The following KIAA0586 variants were observed in gnomAD, a reference collection of about 807,000 sequenced individuals.
The protein encoded by KIAA0586 is KIAA0586, also known as protein TALPID3.
In KIAA0586, 144 loss-of-function variants were observed where a neutral mutation model predicts 169.8. The ratio of observed to expected loss-of-function variants is 0.85; its 90% CI spans 0.74 to 0.97. The LOEUF is 0.97. Ranked by LOEUF, KIAA0586 falls within the 50% of genes least tolerant of loss-of-function variation. The pLI is 0.00. For missense variants in KIAA0586, 1,854 were observed against 1,823.0 expected (o/e 1.02, Z -0.31); for synonymous variants, 625 against 612.4 (o/e 1.02, Z -0.30).
rs186285463 is a variant in KIAA0586, at chr14:58,489,117, A to G, written c.3781+243A>G. Among the ~76,000 whole-genome samples, 9 of 152,026 alleles carry G rather than the reference A, an allele frequency of 5.9e-5. No individual in the cohort carries two copies. In the East Asian group the frequency reaches 1.6e-3, roughly 26 times the overall value. ...TTAATGGTTTGGGGTAGGCCTTTCC[A>G]GTCTTTTTTGTCTATGCATATATAG... On this transcript the variant is annotated intron_variant, in intron 24 of 30. Transcript: ENST00000652326.
intron 10 of KIAA0586, 85 bp downstream of exon 10, chr14:58,456,895 G>A (rs2039907379): frequency 4.0e-6 from 3 of 752,260 alleles, no homozygotes; most frequent in African/African-American, 3.6e-5. Context: ...TAGAAATTAG[G>A]AGGAAGGATG....
At chr14:58,556,078 C>T (rs554145797), downstream of KIAA0586, among the ~76,000 whole-genome samples, 6 of 152,304 alleles carry the variant, frequency 3.9e-5, no homozygotes, top group Non-Finnish European at 8.8e-5. Context: ...TTACCATTTT[C>T]AATCAGAGTA....
At chr14:58,487,379 C>T (rs1407987109) in intron 22 of KIAA0586, among the ~76,000 whole-genome samples, 2 of 152,102 alleles carry the variant, frequency 1.3e-5, no homozygotes, top group South Asian at 2.1e-4. Context: ...GAGGCTGAGG[C>T]GGGTGAATCA....
Position 58,548,898 on chromosome 14 carries a change from T to C in KIAA0586, c.*966T>C, listed in dbSNP as rs2047133044. ...GATAGGGGCCAACGAAACGCCTTCT[T>C]ATCAGCTGTTTCAGATTAATGGGTT... is the stretch of plus-strand genomic sequence containing the variant. On this transcript the variant is annotated 3_prime_UTR_variant, in exon 31 of 31. Transcript: ENST00000652326. 6.6e-6 allele frequency: 1 copy of C among 152,202 alleles called. No homozygotes were observed. Among genetic ancestry groups the C allele is most frequent in the South Asian group, 2.1e-4 (1 of 4,830 alleles). The allele number at this position is 152,202 out of a possible 1,614,324, so 9.4% of individuals were successfully genotyped here.
chr14:58,539,184 G>T (rs1327369544), intron 29 of KIAA0586, among the ~76,000 whole-genome samples: 2 of 152,134 alleles, frequency 1.3e-5, no homozygotes, highest in African/African-American at 2.4e-5. Context: ...CCATATCATT[G>T]CATAAGACAG....
chr14:58,498,897 A>G lies in KIAA0586; in HGVS notation c.4105A>G (p.Thr1369Ala). The stretch of plus-strand genomic sequence containing the variant: ...CTATATGCAGCCACCTGTCACTAAT[A>G]CACAGTCTTTGGATCAACAATGTGA... ...SLYMQPPVTN[T>A]QSLDQQCDPK... Residue 1369 changes from threonine (T) to alanine (A), a missense_variant, in exon 27 of 31, where the codon ACA (threonine) becomes GCA (alanine). By Grantham distance (58) the Thr-to-Ala change is moderately conservative. Coordinates refer to ENST00000652326, the MANE Select transcript of KIAA0586 (RefSeq NM_001329943.3). The G allele has an allele frequency of 6.2e-7, 1 of 1,612,634 alleles. No homozygotes were observed. The highest frequency in any genetic ancestry group is 8.5e-7 in the Non-Finnish European group (1 of 1,179,324).
intron 29 of KIAA0586, among the ~76,000 whole-genome samples, chr14:58,519,591 C>T (rs776556683): frequency 6.6e-6 from 1 of 152,150 alleles, no homozygotes; most frequent in Non-Finnish European, 1.5e-5. Context: ...AAATATTTAT[C>T]GTGTGACTTA....
intron 27 of KIAA0586, among the ~76,000 whole-genome samples, chr14:58,500,295 T>A (rs2043460965): frequency 1.3e-5 from 2 of 152,220 alleles, no homozygotes; most frequent in African/African-American, 4.8e-5. Flanking sequence ...TATTTTGGAT[T>A]CATTAATATT....
chr14:58,494,909 A>G (rs933950702), intron 26 of KIAA0586, among the ~76,000 whole-genome samples: 10 of 152,172 alleles, frequency 6.6e-5, no homozygotes, highest in African/African-American at 2.2e-4. Flanking sequence ...AGGGGCAAGC[A>G]GTAATCTCAA....
At chr14:58,543,516 C>T (rs1403624856) in intron 30 of KIAA0586, among the ~76,000 whole-genome samples, 1 of 152,172 alleles carries the variant, frequency 6.6e-6, no homozygotes. Context: ...TCCCCTCTGC[C>T]TTTTACTCCT....
intron 29 of KIAA0586, among the ~76,000 whole-genome samples, chr14:58,533,848 T>A (rs1160617725): frequency 2.0e-5 from 3 of 152,180 alleles, no homozygotes; most frequent in Admixed American, 6.5e-5. Context: ...AACTTGCTAT[T>A]CAACAGAAAA....
intron 14 of KIAA0586, among the ~76,000 whole-genome samples, chr14:58,463,074 T>C (rs2040460402): frequency 6.6e-6 from 1 of 152,154 alleles, no homozygotes; most frequent in African/African-American, 2.4e-5. Context: ...TCCTAGGGCC[T>C]CAGTACCTGC....
intron 27 of KIAA0586, among the ~76,000 whole-genome samples, chr14:58,500,251 T>C (rs916938595): frequency 6.6e-6 from 1 of 152,250 alleles, no homozygotes; most frequent in Non-Finnish European, 1.5e-5. Context: ...TGGTTTTATT[T>C]ATGTTTCTGT....
intron 29 of KIAA0586, 163 bp from the exon 30 acceptor site, chr14:58,539,908 C>A: frequency 2.0e-6 from 1 of 507,140 alleles, no homozygotes; most frequent in Non-Finnish European, 3.5e-6. Flanking sequence ...TGTTTAACTT[C>A]CTTCTTTACA....
chr14:58,559,398 C>T, the KIAA0586 span, among the ~76,000 whole-genome samples: 1 of 152,154 alleles, frequency 6.6e-6, no homozygotes, highest in Admixed American at 6.5e-5. Flanking sequence ...TGGGAAGTGC[C>T]CTGGATAAAT....
At chr14:58,529,687 T>G (rs1331370652) in intron 29 of KIAA0586, among the ~76,000 whole-genome samples, 1 of 151,964 alleles carries the variant, frequency 6.6e-6, no homozygotes, top group Admixed American at 6.6e-5. Flanking sequence ...CAATAAACTA[T>G]CTATTGATGA....
At chr14:58,472,084 G>T in intron 17 of KIAA0586, 115 bp from the exon 18 acceptor site, 1 of 476,626 alleles carries the variant, frequency 2.1e-6, no homozygotes, top group Non-Finnish European at 3.7e-6. Context: ...GTATTAAAAT[G>T]ATTAAAAAGG....
intron 29 of KIAA0586, among the ~76,000 whole-genome samples, chr14:58,539,014 A>G (rs949431791): frequency 6.6e-6 from 1 of 152,156 alleles, no homozygotes; most frequent in African/African-American, 2.4e-5. Flanking sequence ...TCCTAAGCTC[A>G]AGTGATCCAC....
chr14:58,507,333 TATAA>T (rs1378173286), intron 27 of KIAA0586, among the ~76,000 whole-genome samples: 2 of 146,618 alleles, frequency 1.4e-5, no homozygotes, highest in East Asian at 3.9e-4. Flanking sequence ...ATATATGATA[TATAA>T]ATATATAATA....
Sources: gnomAD v4.1 joint callset for allele counts (sites outside exome capture counted in the v4.1 genomes callset) on GRCh38, gnomAD v4.1.1 for gene constraint, MANE v1.5 for transcripts, NCBI Gene and HGNC (gene_info 2026-07-23, HGNC 2026-07-21) for gene names.